CYP24A1: variants seen among roughly 807,000 people sequenced by gnomAD.
CYP24A1 encodes the protein cytochrome P450 family 24 subfamily A member 1.
Under a neutral mutation model 62.4 loss-of-function variants are expected in CYP24A1, and 68 were observed. The observed-to-expected ratio is 1.09, with a 90% confidence interval of 0.90 to 1.33. The LOEUF is 1.33. Ranked by LOEUF, CYP24A1 falls within the 40% of genes most tolerant of loss-of-function variation. The pLI, the probability that CYP24A1 is intolerant of heterozygous loss-of-function variation, is 0.00. For missense variants in CYP24A1, 787 were observed against 653.0 expected (o/e 1.21, Z -2.24); for synonymous variants, 267 against 253.0 (o/e 1.06, Z -0.52).
At chr20:54,158,272 C>G in intron 8 of CYP24A1, 108 bp from the exon 9 acceptor site, 1 of 1,558,008 alleles carries the variant, frequency 6.4e-7, no homozygotes, top group Non-Finnish European at 8.7e-7. Flanking sequence ...AGTGCATACT[C>G]AAAGAGGCAG....
At chr20:54,163,493 C>T (rs921432018) in intron 6 of CYP24A1, among the ~76,000 whole-genome samples, 6 of 152,202 alleles carry the variant, frequency 3.9e-5, no homozygotes, top group South Asian at 2.1e-4. Context: ...AGTTAGAGTT[C>T]GAGTCCTGGA....
In CYP24A1 at chr20:54,154,351, A is replaced by G. The variant is rs553338669; in HGVS notation, c.*421T>C. ...CATGGGAGGCCTGATAACTTTAACC[A>G]TCATTTAGCTTGGCTTACATTATTA... On this transcript the variant is annotated 3_prime_UTR_variant, in exon 12 of 12. Coordinates refer to ENST00000216862, the MANE Select transcript of CYP24A1 (RefSeq NM_000782.5). 2 of 152,322 alleles carry G rather than the reference A, an allele frequency of 1.3e-5. No individual in the cohort carries two copies. Among genetic ancestry groups the G allele is most frequent in the Admixed American group, 6.5e-5 (1 of 15,304 alleles). The allele number at this position is 152,322 out of a possible 1,614,324, so 9.4% of individuals were successfully genotyped here.
At chr20:54,152,757 T>C (rs111421275), downstream of CYP24A1, among the ~76,000 whole-genome samples, 1 of 152,092 alleles carries the variant, frequency 6.6e-6, no homozygotes, top group Admixed American at 6.5e-5. Context: ...GAAGTGTGGA[T>C]TGCAGAATCG....
intron 4 of CYP24A1, among the ~76,000 whole-genome samples, chr20:54,166,714 CT>C (rs1006624850): frequency 1.3e-5 from 2 of 151,964 alleles, no homozygotes; most frequent in African/African-American, 4.8e-5. Context: ...TAAAAATTAT[CT>C]CTTGTAACCT....
intron 6 of CYP24A1, 103 bp from the exon 7 acceptor site, chr20:54,162,965 A>AG: frequency 2.6e-6 from 2 of 763,144 alleles, no homozygotes; most frequent in Non-Finnish European, 2.4e-6. Context: ...ATATCTAAAT[A>AG]GTCTTTTCAG....
chr20:54,164,828 TAAA>T (rs772562011), intron 5 of CYP24A1, among the ~76,000 whole-genome samples: 27 of 122,832 alleles, frequency 2.2e-4, no homozygotes, highest in African/African-American at 3.9e-4. Context: ...GACCTAATTG[TAAA>T]AAAAAAAAAA....
At chr20:54,157,946 A>C (rs1343808756) in intron 9 of CYP24A1, 140 bp downstream of exon 9, 10 of 1,424,080 alleles carry the variant, frequency 7.0e-6, no homozygotes, top group African/African-American at 5.7e-5. Context: ...TATACTATGC[A>C]ACATGTCAAC....
At chr20:54,166,881 A>G (rs1381664010) in intron 4 of CYP24A1, among the ~76,000 whole-genome samples, 1 of 152,100 alleles carries the variant, frequency 6.6e-6, no homozygotes, top group East Asian at 1.9e-4. Context: ...AAAAATAAAA[A>G]TAAAAAAATT....
At chr20:54,146,293 C>G in the CYP24A1 span, among the ~76,000 whole-genome samples, 1 of 152,174 alleles carries the variant, frequency 6.6e-6, no homozygotes, top group Non-Finnish European at 1.5e-5. Flanking sequence ...CTGAACATCC[C>G]TTTTCCGGCA....
In CYP24A1 at chr20:54,162,790, T is replaced by C; in HGVS notation, c.917A>G (p.Tyr306Cys). ...QPSADFLCDI[Y>C]HQNRLSKKEL... ...TTTCTTTGAAAGCCGATTCTGGTGA[T>C]AAATGTCACAAAGGAAATCTGCACT... Residue 306 changes from tyrosine to cysteine, a missense_variant, in exon 7 of 12, where the codon TAT becomes TGT. By Grantham distance (194) the Tyr-to-Cys change is radical (BLOSUM62 -2). Coordinates refer to ENST00000216862, the MANE Select transcript of CYP24A1 (RefSeq NM_000782.5). 6.4e-7 allele frequency: 1 copy of C among 1,565,522 alleles called. No homozygotes were observed. The highest frequency in any genetic ancestry group is 8.8e-7 in the Non-Finnish European group (1 of 1,135,912).
intron 7 of CYP24A1, among the ~76,000 whole-genome samples, chr20:54,161,661 C>T (rs886535285): frequency 1.3e-5 from 2 of 151,900 alleles, no homozygotes; most frequent in Middle Eastern, 3.2e-3. Context: ...TCAGAGAGGT[C>T]ACGTTCCAGT....
rs1249467799 is a variant in CYP24A1 at position 54,169,598 on chromosome 20, A to C, written c.634T>G (p.Phe212Val). The C allele has an allele frequency of 6.2e-7, 1 of 1,614,036 alleles. No individual in the cohort carries two copies. The highest frequency in any genetic ancestry group is 2.2e-5 in the East Asian group (1 of 44,894). The change falls in exon 4 of 12, where the codon TTT (phenylalanine) becomes GTT (valine). Residue 212 changes from phenylalanine to valine, a missense_variant. By Grantham distance (50) the Phe-to-Val change is conservative. Transcript: ENST00000216862. ...DLYSELNKWS[F>V]ESICLVLYEK... ...GTCTGTGACGACAACTTACTTTCAA[A>C]CGACCATTTGTTCAGTTCGCTGTAC...
chr20:54,169,085 A>G (rs1168904810), intron 4 of CYP24A1, among the ~76,000 whole-genome samples: 1 of 151,220 alleles, frequency 6.6e-6, no homozygotes, highest in Non-Finnish European at 1.5e-5. Flanking sequence ...TTTTGTAGAG[A>G]CAAGGTTTTG....
intron 4 of CYP24A1, among the ~76,000 whole-genome samples, chr20:54,167,378 A>G (rs568526774): frequency 8.7e-4 from 133 of 152,364 alleles, no homozygotes; most frequent in African/African-American, 3.1e-3. Flanking sequence ...ACAATGGCTC[A>G]TGCTTGTAAT....
intron 11 of CYP24A1, among the ~76,000 whole-genome samples, chr20:54,155,981 G>C (rs1487854100): frequency 6.6e-6 from 1 of 152,148 alleles, no homozygotes; most frequent in African/African-American, 2.4e-5. Flanking sequence ...CATGGCAAAA[G>C]TTGTGGAGGG....
intron 8 of CYP24A1, among the ~76,000 whole-genome samples, chr20:54,158,435 T>C (rs2092637652): frequency 6.6e-6 from 1 of 152,214 alleles, no homozygotes; most frequent in South Asian, 2.1e-4. Flanking sequence ...CAGACTAAAA[T>C]GTGTATGTTT....
At chr20:54,159,818 G>T (rs1601129303) in intron 7 of CYP24A1, among the ~76,000 whole-genome samples, 1 of 152,188 alleles carries the variant, frequency 6.6e-6, no homozygotes, top group Non-Finnish European at 1.5e-5. Flanking sequence ...CGTTAGACAG[G>T]ACATTACTAT....
intron 9 of CYP24A1, 45 bp downstream of exon 9, chr20:54,158,041 T>A (rs376658323): frequency 1.9e-6 from 3 of 1,609,792 alleles, no homozygotes; most frequent in African/African-American, 1.3e-5. Flanking sequence ...GCAAAGTGTA[T>A]CTTCCAAGGT....
downstream of CYP24A1, among the ~76,000 whole-genome samples, chr20:54,152,493 C>T (rs1800423075): frequency 6.6e-6 from 1 of 152,216 alleles, no homozygotes; most frequent in South Asian, 2.1e-4. Context: ...GGGACAGCCC[C>T]TGTGGGATCT....
Sources: gnomAD v4.1 joint callset for allele counts (sites outside exome capture counted in the v4.1 genomes callset) on GRCh38, gnomAD v4.1.1 for gene constraint, MANE v1.5 for transcripts, NCBI Gene and HGNC (gene_info 2026-07-23, HGNC 2026-07-21) for gene names.